Variants in CAPS2 observed in about 807,000 individuals in gnomAD.
CAPS2 encodes the protein calcyphosin-2.
A neutral mutation model predicts 86.5 loss-of-function variants in CAPS2; 98 were observed. The observed-to-expected ratio is 1.13, with a 90% CI of 0.96 to 1.34. The LOEUF is 1.34. CAPS2 is among the 40% of genes most tolerant of loss of function. CAPS2 has a pLI of 0.00. For missense variants in CAPS2, 729 were observed against 686.8 expected, an observed-to-expected ratio of 1.06 and a Z score of -0.69; for synonymous variants, 210 against 225.1, an observed-to-expected ratio of 0.93 and a Z score of 0.60.
chr12:75,312,180 C>T (rs573084855), intron 7 of CAPS2, among the ~76,000 whole-genome samples: 3 of 152,276 alleles, frequency 2.0e-5, no homozygotes, highest in African/African-American at 7.2e-5. Context: ...TTAACAGTCT[C>T]ACAGTTCTTG....
At chr12:75,287,258 C>T (rs74110649) in intron 14 of CAPS2, among the ~76,000 whole-genome samples, 1,669 of 151,968 alleles carry the variant, frequency 0.011, 31 homozygotes, top group African/African-American at 0.037. Flanking sequence ...CTTCTCCTGC[C>T]CTTCTTTCAC....
intron 15 of CAPS2, among the ~76,000 whole-genome samples, chr12:75,284,141 C>T (rs573711767): frequency 6.6e-6 from 1 of 152,200 alleles, no homozygotes; most frequent in African/African-American, 2.4e-5. Flanking sequence ...GTTTCTCAAA[C>T]CTATCACCAG....
chr12:75,326,522 A>G (rs1356823755), upstream of CAPS2: 3 of 1,454,856 alleles, frequency 2.1e-6, no homozygotes, highest in South Asian at 2.5e-5. Flanking sequence ...TTTATCATGC[A>G]GTATACTTTG....
At chr12:75,368,510 C>A (rs540486628) in intron 1 of CAPS2, among the ~76,000 whole-genome samples, 1 of 151,730 alleles carries the variant, frequency 6.6e-6, no homozygotes, top group South Asian at 2.1e-4. Flanking sequence ...CCCAGGAATA[C>A]AATATTACGT....
chr12:75,294,228 G>A (rs1332950229), intron 11 of CAPS2, among the ~76,000 whole-genome samples: 1 of 152,156 alleles, frequency 6.6e-6, no homozygotes, highest in Non-Finnish European at 1.5e-5. Flanking sequence ...ACAGGTGTGA[G>A]CCACCACGCC....
chr12:75,286,230 A>G (rs2034846001), intron 14 of CAPS2, among the ~76,000 whole-genome samples: 1 of 152,002 alleles, frequency 6.6e-6, no homozygotes, highest in African/African-American at 2.4e-5. Flanking sequence ...AACAAAATCT[A>G]AAGATGCCTG....
intron 1 of CAPS2, among the ~76,000 whole-genome samples, chr12:75,337,119 A>T (rs548081152): frequency 6.6e-6 from 1 of 151,882 alleles, no homozygotes; most frequent in African/African-American, 2.4e-5. Flanking sequence ...GTTTGGAAGC[A>T]TACGTATAGA....
chr12:75,326,853 C>A (rs946859920), upstream of CAPS2, among the ~76,000 whole-genome samples: 3 of 152,028 alleles, frequency 2.0e-5, no homozygotes, highest in Non-Finnish European at 4.4e-5. Flanking sequence ...AGTGTAACCA[C>A]CAGAATCCTT....
intron 1 of CAPS2, chr12:75,363,208 T>C (rs1465205503): frequency 6.9e-6 from 8 of 1,164,382 alleles, no homozygotes; most frequent in Admixed American, 3.0e-5. Flanking sequence ...AAAATATATA[T>C]ATATAATTAC....
chr12:75,278,460 A>G (rs1354781730), exon 17 of CAPS2: 3 of 985,808 alleles, frequency 3.0e-6, no homozygotes, highest in Non-Finnish European at 3.6e-6. Context: ...CAAATTGACC[A>G]TGGTGGCAAA....
intron 1 of CAPS2, among the ~76,000 whole-genome samples, chr12:75,337,798 TTTTA>T (rs2041839576): frequency 6.6e-6 from 1 of 152,146 alleles, no homozygotes; most frequent in African/African-American, 2.4e-5. Flanking sequence ...TTGCTTATTT[TTTTA>T]TTTCTTTGAT....
At chr12:75,306,301 G>T in intron 7 of CAPS2, 1 of 596,222 alleles carries the variant, frequency 1.7e-6, no homozygotes, top group South Asian at 1.9e-5. Context: ...GAGGAGGCCA[G>T]AGCTCTGCGG....
chr12:75,374,914 A>G (rs2044570641), intron 1 of CAPS2, among the ~76,000 whole-genome samples: 1 of 152,212 alleles, frequency 6.6e-6, no homozygotes. Flanking sequence ...AGGATAATTC[A>G]CTGTCATTGT....
chr12:75,341,844 G>A (rs1322018900), intron 1 of CAPS2, among the ~76,000 whole-genome samples: 1 of 147,406 alleles, frequency 6.8e-6, no homozygotes, highest in African/African-American at 2.5e-5. Flanking sequence ...CCGCCTCCTA[G>A]GTTCAAGCAA....
At chr12:75,316,359 C>A (rs979040729) in exon 6 of CAPS2, 4 of 1,551,056 alleles carry the variant, frequency 2.6e-6, no homozygotes, top group Non-Finnish European at 2.6e-6. Flanking sequence ...GAGTTGTCTG[C>A]ATAACCTTGC....
intron 12 of CAPS2, 140 bp downstream of exon 12, chr12:75,293,109 A>G: frequency 1.7e-6 from 1 of 596,454 alleles, no homozygotes; most frequent in Non-Finnish European, 2.9e-6. Flanking sequence ...CATAAAAAAG[A>G]CATACGTAGC....
At chr12:75,359,964 G>A (rs951464264) in intron 1 of CAPS2, 4 of 152,076 alleles carry the variant, frequency 2.6e-5, no homozygotes, top group Non-Finnish European at 4.4e-5. Flanking sequence ...GATGGCATAA[G>A]GCAAAGGGGA....
chr12:75,286,528 A>G (rs2034896960), intron 14 of CAPS2, among the ~76,000 whole-genome samples: 1 of 151,782 alleles, frequency 6.6e-6, no homozygotes, highest in Admixed American at 6.6e-5. Flanking sequence ...TAAGAGATAT[A>G]AATATATATA....
intron 14 of CAPS2, among the ~76,000 whole-genome samples, chr12:75,288,623 C>A (rs2035311853): frequency 6.6e-6 from 1 of 152,196 alleles, no homozygotes; most frequent in Admixed American, 6.5e-5. Flanking sequence ...GGTTCATATG[C>A]TTTTAGAATA....
Sources: gnomAD v4.1 joint callset for allele counts (sites outside exome capture counted in the v4.1 genomes callset) on GRCh38, gnomAD v4.1.1 for gene constraint, MANE v1.5 for transcripts, NCBI Gene and HGNC (gene_info 2026-07-23, HGNC 2026-07-21) for gene names.